The following ZCCHC7 variants were observed in gnomAD, a reference collection of about 807,000 sequenced individuals.
ZCCHC7 encodes the protein zinc finger CCHC domain-containing protein 7.
A neutral mutation model predicts 52.0 loss-of-function variants in ZCCHC7; 35 were observed. That is an observed-to-expected ratio of 0.67 (90% CI 0.51 to 0.89). ZCCHC7 has a LOEUF of 0.89. Ranked by LOEUF, ZCCHC7 falls within the 40% of genes least tolerant of loss-of-function variation. The pLI, the probability that ZCCHC7 is intolerant of heterozygous loss-of-function variation, is 0.00. For missense variants in ZCCHC7, 574 were observed against 649.1 expected (o/e 0.88, Z 1.26); for synonymous variants, 217 against 221.5 (o/e 0.98, Z 0.18).
At chr9:37,256,673 G>T (rs1480734284) in intron 2 of ZCCHC7, among the ~76,000 whole-genome samples, 2 of 152,132 alleles carry the variant, frequency 1.3e-5, no homozygotes, top group East Asian at 3.8e-4. Context: ...ATAAAACTCG[G>T]TGAACCAGTA....
intron 2 of ZCCHC7, among the ~76,000 whole-genome samples, chr9:37,229,711 T>C (rs1439356302): frequency 6.6e-6 from 1 of 152,200 alleles, no homozygotes; most frequent in Non-Finnish European, 1.5e-5. Flanking sequence ...ACTGTAAATT[T>C]TATAAGCACT....
chr9:37,297,527 A>G (rs915864025), intron 2 of ZCCHC7, among the ~76,000 whole-genome samples: 2 of 152,258 alleles, frequency 1.3e-5, no homozygotes, highest in Non-Finnish European at 2.9e-5. Flanking sequence ...TGAATCATAC[A>G]TACCTACCTT....
chr9:37,224,427 CCTACTT>C (rs1374815232), intron 2 of ZCCHC7, among the ~76,000 whole-genome samples: 9 of 152,278 alleles, frequency 5.9e-5, no homozygotes, highest in Non-Finnish European at 1.2e-4. Flanking sequence ...AATGTAGACT[CCTACTT>C]CTAGCCATGA....
chr9:37,205,559 C>G (rs1564177501), intron 2 of ZCCHC7, among the ~76,000 whole-genome samples: 1 of 152,104 alleles, frequency 6.6e-6, no homozygotes, highest in Non-Finnish European at 1.5e-5. Context: ...CTCAGTCGCC[C>G]AGGTTGCAAT....
In ZCCHC7 at chr9:37,222,868, G is replaced by A. The variant is rs145475105; in HGVS notation, c.611-79320G>A. 6.6e-5 allele frequency among the ~76,000 whole-genome samples: 10 copies of A among 152,220 alleles called. No individual in the cohort carries two copies. In the East Asian group the frequency reaches 1.9e-3, roughly 29 times the overall value. The stretch of plus-strand genomic sequence containing the variant: ...AGAAACGCTCTAGTGGGGAATGTGG[G>A]CCAAGCATAAGAATTAGTGGTTCCT... On this transcript the variant is annotated intron_variant, in intron 2 of 8. Transcript: ENST00000336755.
chr9:37,278,671 A>G (rs1465587138), intron 2 of ZCCHC7, among the ~76,000 whole-genome samples: 1 of 152,194 alleles, frequency 6.6e-6, no homozygotes, highest in African/African-American at 2.4e-5. Flanking sequence ...GATGAAAACT[A>G]ATGATAACAA....
At chr9:37,246,115 A>G (rs540402401) in intron 2 of ZCCHC7, among the ~76,000 whole-genome samples, 59 of 152,258 alleles carry the variant, frequency 3.9e-4, no homozygotes, top group African/African-American at 1.4e-3. Flanking sequence ...ATCAAACTTA[A>G]AGAGACTGAT....
chr9:37,201,632 T>C (rs2133165025), intron 2 of ZCCHC7, among the ~76,000 whole-genome samples: 1 of 152,328 alleles, frequency 6.6e-6, no homozygotes, highest in East Asian at 1.9e-4. Flanking sequence ...CCAGAGTTAC[T>C]TTAAGAAGTG....
At chr9:37,218,586 A>G (rs993567047) in intron 2 of ZCCHC7, among the ~76,000 whole-genome samples, 1 of 152,196 alleles carries the variant, frequency 6.6e-6, no homozygotes, top group African/African-American at 2.4e-5. Context: ...AGGCTGACAG[A>G]TAACTTGAGG....
intron 2 of ZCCHC7, among the ~76,000 whole-genome samples, chr9:37,300,275 A>G (rs763666815): frequency 1.3e-5 from 2 of 152,210 alleles, no homozygotes; most frequent in East Asian, 1.9e-4. Context: ...ATTTTAAGTC[A>G]GTCTTATAGT....
At chr9:37,232,735 A>G (rs1280100474) in intron 2 of ZCCHC7, among the ~76,000 whole-genome samples, 2 of 152,202 alleles carry the variant, frequency 1.3e-5, no homozygotes, top group Admixed American at 6.5e-5. Context: ...TTGTTGAGCA[A>G]CTTTTTCATC....
chr9:37,270,647 A>G (rs1588584589), intron 2 of ZCCHC7, among the ~76,000 whole-genome samples: 1 of 150,954 alleles, frequency 6.6e-6, no homozygotes, highest in Admixed American at 6.6e-5. Context: ...GCGTCACTGC[A>G]CTCCAGCCTG....
intron 2 of ZCCHC7, among the ~76,000 whole-genome samples, chr9:37,300,771 A>G (rs1282191342): frequency 1.3e-5 from 2 of 152,212 alleles, no homozygotes; most frequent in Non-Finnish European, 2.9e-5. Context: ...AAGATCTTTC[A>G]GTCCTTTTGT....
At chr9:37,157,972 TGAG>T (rs1389967353) in intron 2 of ZCCHC7, among the ~76,000 whole-genome samples, 3 of 152,204 alleles carry the variant, frequency 2.0e-5, no homozygotes, top group East Asian at 1.9e-4. Context: ...ACTACTGTCT[TGAG>T]GAGATATTTG....
chr9:37,345,555 A>G (rs1820904702), intron 6 of ZCCHC7, among the ~76,000 whole-genome samples: 2 of 152,086 alleles, frequency 1.3e-5, no homozygotes, highest in Admixed American at 6.6e-5. Context: ...CCTCATCTCT[A>G]CTAAAAATAC....
At chr9:37,272,699 C>T (rs1284458257) in intron 2 of ZCCHC7, among the ~76,000 whole-genome samples, 2 of 152,066 alleles carry the variant, frequency 1.3e-5, no homozygotes, top group Non-Finnish European at 2.9e-5. Context: ...TCGTGTTCTT[C>T]ATACTTTTAC....
intron 2 of ZCCHC7, among the ~76,000 whole-genome samples, chr9:37,256,186 A>C (rs1378605148): frequency 2.0e-5 from 3 of 152,170 alleles, no homozygotes; most frequent in Non-Finnish European, 4.4e-5. Flanking sequence ...ATGATAGGTC[A>C]TGGATCTTTG....
At chr9:37,295,362 G>A (rs909897637) in intron 2 of ZCCHC7, among the ~76,000 whole-genome samples, 1 of 152,170 alleles carries the variant, frequency 6.6e-6, no homozygotes, top group Non-Finnish European at 1.5e-5. Context: ...ATCATGAAAG[G>A]CACATTGTAT....
rs1415333865 is a variant in ZCCHC7 at position 37,126,316 on chromosome 9, A to G, written c.-17A>G. 6 of 1,600,300 alleles carry G rather than the reference A, an allele frequency of 3.7e-6. No homozygotes were observed. Among genetic ancestry groups the G allele is most frequent in the Non-Finnish European group, 5.1e-6 (6 of 1,173,880 alleles). On this transcript the variant is annotated 5_prime_UTR_variant, in exon 2 of 9. Transcript: ENST00000336755. ...GTACAACTTTCTCTTTTGCAGCTTC[A>G]AGGTTACTGACTTTTTATGATGTTT...
Sources: gnomAD v4.1 joint callset for allele counts (sites outside exome capture counted in the v4.1 genomes callset) on GRCh38, gnomAD v4.1.1 for gene constraint, MANE v1.5 for transcripts, NCBI Gene and HGNC (gene_info 2026-07-23, HGNC 2026-07-21) for gene names.